Variants in LRRIQ3 observed in about 807,000 individuals in gnomAD.
LRRIQ3 encodes leucine-rich repeat and IQ domain-containing protein 3.
In LRRIQ3, 75 loss-of-function variants were observed where a neutral mutation model predicts 59.3. The ratio of observed to expected loss-of-function variants is 1.26; its 90% confidence interval spans 1.05 to 1.53. The LOEUF (loss-of-function observed/expected upper bound fraction) is 1.53. Ranked by LOEUF, LRRIQ3 falls within the 40% of genes most tolerant of loss-of-function variation. The pLI, the probability that LRRIQ3 is intolerant of heterozygous loss-of-function variation, is 0.00. For synonymous variants in LRRIQ3, 250 were observed against 231.3 expected, an observed-to-expected ratio of 1.08 and a Z score of -0.73; for missense variants, 831 against 710.0, an observed-to-expected ratio of 1.17 and a Z score of -1.94.
At chr1:74,093,787 A>G (rs1646418566) in intron 5 of LRRIQ3, among the ~76,000 whole-genome samples, 1 of 152,038 alleles carries the variant, frequency 6.6e-6, no homozygotes, top group African/African-American at 2.4e-5. Context: ...GACAAAATCC[A>G]TTGCCAACTG....
chr1:74,115,499 A>G (rs938921482), intron 4 of LRRIQ3, among the ~76,000 whole-genome samples: 1 of 152,102 alleles, frequency 6.6e-6, no homozygotes, highest in Admixed American at 6.6e-5. Flanking sequence ...TAAAACTCTC[A>G]TTACAAAATA....
intron 4 of LRRIQ3, among the ~76,000 whole-genome samples, chr1:74,124,858 A>G (rs532580481): frequency 1.3e-5 from 2 of 152,082 alleles, no homozygotes; most frequent in East Asian, 3.9e-4. Context: ...TTGTGGTTCC[A>G]TAAAAATTTT....
chr1:74,068,523 G>A (rs938143140), intron 6 of LRRIQ3, among the ~76,000 whole-genome samples: 4 of 151,922 alleles, frequency 2.6e-5, no homozygotes, highest in African/African-American at 4.8e-5. Context: ...ATATGGTACC[G>A]GTGCTTATAA....
At position 74,130,070 on chromosome 1, in the gene LRRIQ3, G is replaced by A. The variant is rs554416686; in HGVS notation, c.708-20517C>T. ...CTATGTTGTCTAGTGTTGGGTGAGG[G>A]GTGATGCAAACCCTCCCTTGGCTGC... is the stretch of plus-strand genomic sequence containing the variant. On this transcript the variant is annotated intron_variant, in intron 4 of 7. Coordinates refer to ENST00000354431, the MANE Select transcript of LRRIQ3 (RefSeq NM_001105659.2). Among the ~76,000 whole-genome samples, 8 of 151,998 alleles carry A rather than the reference G, an allele frequency of 5.3e-5. No individual in the cohort carries two copies. In the South Asian group the frequency reaches 1.7e-3, roughly 32 times the overall value.
intron 1 of LRRIQ3, among the ~76,000 whole-genome samples, chr1:74,194,517 G>A (rs7542912): frequency 0.85 from 128,638 of 152,066 alleles, 55,393 homozygotes; most frequent in East Asian, 0.97. Flanking sequence ...TTGGCTTTTT[G>A]AATTTTAGAA....
At chr1:74,038,460 G>C (rs1032832171) in intron 7 of LRRIQ3, among the ~76,000 whole-genome samples, 1 of 152,206 alleles carries the variant, frequency 6.6e-6, no homozygotes, top group African/African-American at 2.4e-5. Context: ...CCAAGGGATG[G>C]TCAAAGTGCT....
At chr1:74,105,217 T>C (rs767226678) in intron 5 of LRRIQ3, among the ~76,000 whole-genome samples, 2 of 150,942 alleles carry the variant, frequency 1.3e-5, no homozygotes, top group Non-Finnish European at 2.9e-5. Flanking sequence ...TATACCTTAA[T>C]GTATTTTTTC....
chr1:74,144,277 A>G (rs1647412158), intron 4 of LRRIQ3: 2 of 175,846 alleles, frequency 1.1e-5, no homozygotes. Flanking sequence ...ATTTGGCATA[A>G]TCCCAGGATA....
Position 74,041,634 on chromosome 1 carries a change from G to C in LRRIQ3, c.1297C>G (p.Gln433Glu). Residue 433 changes from glutamine to glutamate, a missense_variant, in exon 7 of 8, where the codon CAG (glutamine) becomes GAG (glutamate). Gln to Glu is a conservative substitution (Grantham distance 29, BLOSUM62 2). Coordinates refer to ENST00000354431, the MANE Select transcript of LRRIQ3 (RefSeq NM_001105659.2). ...CTTACTTTTTCTTTATGGTATTCCT[G>C]CTTCTTTTGTTCTGTGTAATATTTG... is the stretch of plus-strand genomic sequence containing the variant. Reference protein sequence around the residue: ...IDKYYTEQKKQEYHKEKVRVV... With the variant: ...IDKYYTEQKKEEYHKEKVRVV... The C allele has an allele frequency of 6.2e-7, 1 of 1,613,638 alleles. No homozygotes were observed. The highest frequency in any genetic ancestry group is 8.5e-7 in the Non-Finnish European group (1 of 1,179,844).
chr1:74,110,536 A>G (rs1426133846), intron 4 of LRRIQ3, among the ~76,000 whole-genome samples: 2 of 152,094 alleles, frequency 1.3e-5, no homozygotes, highest in African/African-American at 2.4e-5. Flanking sequence ...AACCACATCA[A>G]TATCACGGAG....
At chr1:74,155,119 G>A (rs1036565003) in intron 4 of LRRIQ3, among the ~76,000 whole-genome samples, 3 of 151,968 alleles carry the variant, frequency 2.0e-5, no homozygotes, top group Non-Finnish European at 4.4e-5. Context: ...ATATTTCAGG[G>A]CCAAATTTCA....
chr1:74,177,275 C>T (rs12042613), intron 3 of LRRIQ3, among the ~76,000 whole-genome samples: 45,988 of 151,896 alleles, frequency 0.3, 7,948 homozygotes, highest in Middle Eastern at 0.43. Context: ...CAGCCTACAT[C>T]TTTCTCCTGT....
intron 6 of LRRIQ3, among the ~76,000 whole-genome samples, chr1:74,053,657 AG>A (rs1490886170): frequency 6.6e-6 from 1 of 152,176 alleles, no homozygotes; most frequent in African/African-American, 2.4e-5. Flanking sequence ...ACTGCACTCC[AG>A]CCTGAGCAAC....
At chr1:74,095,313 G>C (rs1036763066) in intron 5 of LRRIQ3, among the ~76,000 whole-genome samples, 1 of 152,060 alleles carries the variant, frequency 6.6e-6, no homozygotes, top group Non-Finnish European at 1.5e-5. Flanking sequence ...TTATGTGAGA[G>C]AACAGTTGTT....
chr1:74,169,577 G>T (rs1649197619), intron 3 of LRRIQ3, among the ~76,000 whole-genome samples: 1 of 152,012 alleles, frequency 6.6e-6, no homozygotes, highest in African/African-American at 2.4e-5. Context: ...AAGAGACAGG[G>T]TCTTGCTCTG....
At chr1:74,078,228 T>C (rs967014359) in intron 5 of LRRIQ3, among the ~76,000 whole-genome samples, 1 of 151,790 alleles carries the variant, frequency 6.6e-6, no homozygotes, top group Non-Finnish European at 1.5e-5. Flanking sequence ...TGAAGATTAA[T>C]AAAATGATGC....
intron 4 of LRRIQ3, among the ~76,000 whole-genome samples, chr1:74,111,307 T>G (rs1203453122): frequency 6.6e-6 from 1 of 152,016 alleles, no homozygotes; most frequent in Admixed American, 6.6e-5. Context: ...AAATTGCTTT[T>G]TACATAGTCT....
intron 1 of LRRIQ3, among the ~76,000 whole-genome samples, chr1:74,184,506 C>A (rs1037437847): frequency 6.6e-6 from 1 of 152,074 alleles, no homozygotes. Flanking sequence ...CTACGATGTG[C>A]AGATAAACTA....
At chr1:74,027,430 A>G (rs1653549956) in intron 7 of LRRIQ3, among the ~76,000 whole-genome samples, 1 of 152,102 alleles carries the variant, frequency 6.6e-6, no homozygotes, top group African/African-American at 2.4e-5. Context: ...CTAATCCAAT[A>G]TAATTTGTGT....
Sources: allele counts gnomAD v4.1 joint callset (sites outside exome capture counted in the v4.1 genomes callset), GRCh38; gene constraint gnomAD v4.1.1; transcripts MANE v1.5; gene names NCBI Gene and HGNC (gene_info 2026-07-23, HGNC 2026-07-21).